DYNC1I1: variants seen among roughly 807,000 people sequenced by gnomAD.
DYNC1I1 encodes the protein cytoplasmic dynein 1 intermediate chain 1.
In DYNC1I1, 43 loss-of-function variants were observed where a neutral mutation model predicts 86.6. The observed-to-expected ratio is 0.50, with a 90% CI of 0.39 to 0.64. The LOEUF (loss-of-function observed/expected upper bound fraction) is 0.64. Ranked by LOEUF, DYNC1I1 falls within the 30% of genes least tolerant of loss-of-function variation. The probability of loss-of-function intolerance (pLI) is 0.00; values close to 1 mark genes in which losing one functional copy is unlikely to be tolerated. For synonymous variants in DYNC1I1, 262 were observed against 283.7 expected (o/e 0.92, Z 0.77); for missense variants, 604 against 788.8 (o/e 0.77, Z 2.81).
chr7:95,958,737 A>T lies in DYNC1I1; in HGVS notation c.491-18775A>T, dbSNP rs78740995. Among the ~76,000 whole-genome samples the T allele has an allele frequency of 7.2e-3, 1,097 of 152,344 alleles. 33 individuals are homozygous for T. Among genetic ancestry groups the T allele is most frequent in the Admixed American group, 0.035 (534 of 15,306 alleles). On this transcript the variant is annotated intron_variant, in intron 6 of 16. Transcript: ENST00000447467. Reference sequence around the variant, plus strand: ...AAATTTTTGCCTTGTAGAGAATCTGAAGATAAATCATATTCAGAATACATT... The same window carrying T: ...AAATTTTTGCCTTGTAGAGAATCTGTAGATAAATCATATTCAGAATACATT...
intron 6 of DYNC1I1, among the ~76,000 whole-genome samples, chr7:95,881,862 A>G (rs1255362282): frequency 6.6e-6 from 1 of 152,216 alleles, no homozygotes; most frequent in African/African-American, 2.4e-5. Flanking sequence ...TCTCTGGATA[A>G]TATTAGTTCC....
At chr7:96,051,183 A>G (rs1789394668) in intron 14 of DYNC1I1, among the ~76,000 whole-genome samples, 1 of 152,118 alleles carries the variant, frequency 6.6e-6, no homozygotes, top group African/African-American at 2.4e-5. Flanking sequence ...GGAAAGTTTC[A>G]GTGGATTCCA....
chr7:96,089,721 A>C (rs1790786704), intron 16 of DYNC1I1, among the ~76,000 whole-genome samples: 1 of 152,138 alleles, frequency 6.6e-6, no homozygotes, highest in Non-Finnish European at 1.5e-5. Context: ...GATATGGTAA[A>C]TCATGAACTG....
At position 95,844,085 on chromosome 7, in the gene DYNC1I1, A is replaced by T. The variant is rs539191119; in HGVS notation, c.374+15969A>T. Among the ~76,000 whole-genome samples the T allele has an allele frequency of 4.6e-5, 7 of 152,300 alleles. No homozygotes were observed. The East Asian group carries it at 1.4e-3, about 29-fold the overall frequency. On this transcript the variant is annotated intron_variant, in intron 5 of 16. Transcript: ENST00000447467. ...CAGTCTTCCAGAAGATGGGCTGAGA[A>T]CAACATAAGAAGAGCAGGGCTGGGA...
intron 6 of DYNC1I1, among the ~76,000 whole-genome samples, chr7:95,957,264 G>C (rs1316958364): frequency 6.6e-6 from 1 of 152,162 alleles, no homozygotes; most frequent in East Asian, 1.9e-4. Flanking sequence ...GTTGTGAGTT[G>C]CTGCTTAGAA....
At chr7:96,069,001 G>C (rs1474844487) in intron 14 of DYNC1I1, among the ~76,000 whole-genome samples, 1 of 152,036 alleles carries the variant, frequency 6.6e-6, no homozygotes, top group Non-Finnish European at 1.5e-5. Context: ...TACTTTATTT[G>C]CTCATTCTTC....
chr7:95,943,943 A>C lies in DYNC1I1; in HGVS notation c.491-33569A>C, dbSNP rs565022093. Among the ~76,000 whole-genome samples the C allele has an allele frequency of 7.0e-3, 1,053 of 151,130 alleles. 16 individuals are homozygous for C. The highest frequency in any genetic ancestry group is 0.024 in the African/African-American group (975 of 41,258). On this transcript the variant is annotated intron_variant, in intron 6 of 16. Transcript: ENST00000447467. ...ACCCTAGAAGAAAACCTAGGCATTA[A>C]CATTCAGGACATAGGCATGGGCAAG...
chr7:95,841,696 C>T (rs1789286460), intron 5 of DYNC1I1, among the ~76,000 whole-genome samples: 2 of 152,080 alleles, frequency 1.3e-5, no homozygotes, highest in Admixed American at 1.3e-4. Context: ...TAGGAAGTGC[C>T]TACATACCCA....
At chr7:96,101,897 C>T (rs1449141618), downstream of DYNC1I1, among the ~76,000 whole-genome samples, 1 of 152,030 alleles carries the variant, frequency 6.6e-6, no homozygotes, top group Non-Finnish European at 1.5e-5. Flanking sequence ...AGATTGGTGC[C>T]ACTCTTAAAG....
intron 6 of DYNC1I1, among the ~76,000 whole-genome samples, chr7:95,912,098 G>A (rs1047290215): frequency 6.6e-6 from 1 of 152,000 alleles, no homozygotes; most frequent in Non-Finnish European, 1.5e-5. Flanking sequence ...GTGCAGTGGT[G>A]TGATCTCAGC....
chr7:96,010,244 C>G (rs1311916702), intron 10 of DYNC1I1, among the ~76,000 whole-genome samples: 1 of 152,074 alleles, frequency 6.6e-6, no homozygotes, highest in African/African-American at 2.4e-5. Context: ...CCCGGAACAC[C>G]CCAGCCGCCG....
At chr7:95,832,251 G>A (rs1788929722) in intron 5 of DYNC1I1, among the ~76,000 whole-genome samples, 1 of 138,308 alleles carries the variant, frequency 7.2e-6, no homozygotes, top group African/African-American at 2.8e-5. Context: ...AGTTTACTGA[G>A]AATGATGATT....
intron 6 of DYNC1I1, among the ~76,000 whole-genome samples, chr7:95,945,256 A>T (rs1792367367): frequency 6.6e-6 from 1 of 152,012 alleles, no homozygotes; most frequent in Non-Finnish European, 1.5e-5. Flanking sequence ...ATTTTATAAT[A>T]AAAACTAATG....
At chr7:95,985,414 C>CT in intron 8 of DYNC1I1, among the ~76,000 whole-genome samples, 1 of 151,942 alleles carries the variant, frequency 6.6e-6, no homozygotes, top group East Asian at 1.9e-4. Flanking sequence ...AAAATGTTTC[C>CT]TTTTTTTGGT....
intron 9 of DYNC1I1, among the ~76,000 whole-genome samples, chr7:95,994,595 C>G (rs12704828): frequency 0.16 from 23,622 of 151,948 alleles, 2,024 homozygotes; most frequent in African/African-American, 0.22. Flanking sequence ...GGGTCATAGG[C>G]TGTGGGAGGT....
chr7:95,935,846 C>T (rs1020644747), intron 6 of DYNC1I1, among the ~76,000 whole-genome samples: 6 of 151,986 alleles, frequency 3.9e-5, no homozygotes, highest in Admixed American at 2.6e-4. Flanking sequence ...CCAACCAATA[C>T]ATGCAAACAT....
chr7:96,099,705 C>T (rs1408759363), downstream of DYNC1I1, among the ~76,000 whole-genome samples: 1 of 152,142 alleles, frequency 6.6e-6, no homozygotes, highest in Non-Finnish European at 1.5e-5. Context: ...ATGGGCTCCA[C>T]CCTCATGACC....
intron 5 of DYNC1I1, among the ~76,000 whole-genome samples, chr7:95,862,509 A>G (rs986598886): frequency 5.3e-5 from 8 of 152,364 alleles, no homozygotes; most frequent in Non-Finnish European, 1.0e-4. Flanking sequence ...GTGAGATATC[A>G]CTTCATATTC....
At chr7:95,814,924 A>G (rs1478773172) in intron 4 of DYNC1I1, among the ~76,000 whole-genome samples, 3 of 152,102 alleles carry the variant, frequency 2.0e-5, no homozygotes, top group African/African-American at 7.2e-5. Flanking sequence ...AGGAAGTAAT[A>G]GCAACACAGT....
Sources: gnomAD v4.1 joint callset for allele counts (sites outside exome capture counted in the v4.1 genomes callset) on GRCh38, gnomAD v4.1.1 for gene constraint, MANE v1.5 for transcripts, NCBI Gene and HGNC (gene_info 2026-07-23, HGNC 2026-07-21) for gene names.